The following BMERB1 variants were observed in gnomAD, a reference collection of about 807,000 sequenced individuals.
BMERB1 encodes bMERB domain-containing protein 1.
Under a neutral mutation model 23.6 loss-of-function variants are expected in BMERB1, and 12 were observed. That is an observed-to-expected ratio of 0.51 (90% CI 0.33 to 0.82). BMERB1 has a LOEUF of 0.82. Ranked by LOEUF, BMERB1 falls within the 40% of genes least tolerant of loss-of-function variation. BMERB1 has a pLI of 0.03. For missense variants in BMERB1, 247 were observed against 255.4 expected, an observed-to-expected ratio of 0.97 and a Z score of 0.22; for synonymous variants, 122 against 96.6, an observed-to-expected ratio of 1.26 and a Z score of -1.54.
chr16:15,532,076 A>C (rs1415512356), intron 2 of BMERB1, among the ~76,000 whole-genome samples: 1 of 152,160 alleles, frequency 6.6e-6, no homozygotes, highest in Non-Finnish European at 1.5e-5. Flanking sequence ...TTGAGCCATC[A>C]GTTACTTAGA....
intron 1 of BMERB1, among the ~76,000 whole-genome samples, chr16:15,490,728 C>G (rs1653206713): frequency 6.6e-6 from 1 of 152,230 alleles, no homozygotes; most frequent in African/African-American, 2.4e-5. Flanking sequence ...CCCGGCTGTC[C>G]CACCCTCTGC....
chr16:15,451,662 G>A (rs1395636434), intron 1 of BMERB1, among the ~76,000 whole-genome samples: 2 of 147,198 alleles, frequency 1.4e-5, no homozygotes, highest in African/African-American at 2.5e-5. Flanking sequence ...GGGCTTAAGC[G>A]ATTCTCCCAC....
intron 1 of BMERB1, among the ~76,000 whole-genome samples, chr16:15,469,002 G>T (rs1288293876): frequency 1.5e-5 from 2 of 129,860 alleles, no homozygotes; most frequent in Admixed American, 8.5e-5. Context: ...GATCCTTGCT[G>T]TGTTGCCCAG....
chr16:15,500,476 G>GGGAAGCAGAAGAGTCCTGAAAT (rs2051517288), intron 1 of BMERB1, among the ~76,000 whole-genome samples: 1 of 152,124 alleles, frequency 6.6e-6, no homozygotes, highest in African/African-American at 2.4e-5. Flanking sequence ...GCAGTTAAGA[G>GGGAAGCAGAAGAGTCCTGAAAT]GGAAGCAGAA....
chr16:15,554,912 C>G (rs868277012), intron 2 of BMERB1, among the ~76,000 whole-genome samples: 42 of 152,006 alleles, frequency 2.8e-4, no homozygotes, highest in Admixed American at 2.8e-3. Context: ...GTGATCCGCC[C>G]GCCTCGGCCT....
chr16:15,517,861 G>A (rs1257747314), intron 2 of BMERB1, among the ~76,000 whole-genome samples: 1 of 149,096 alleles, frequency 6.7e-6, no homozygotes, highest in African/African-American at 2.5e-5. Context: ...ATGTGTGTGT[G>A]TGGATGTGTG....
chr16:15,538,736 T>A (rs535619048), intron 2 of BMERB1, among the ~76,000 whole-genome samples: 6 of 152,314 alleles, frequency 3.9e-5, no homozygotes, highest in South Asian at 2.1e-4. Context: ...CCATCTGTTG[T>A]CTGCCATCAC....
At chr16:15,564,959 G>C (rs1374994052) in intron 2 of BMERB1, among the ~76,000 whole-genome samples, 1 of 151,724 alleles carries the variant, frequency 6.6e-6, no homozygotes, top group African/African-American at 2.4e-5. Flanking sequence ...GAACAACTTT[G>C]TAGTAATCAG....
intron 1 of BMERB1, among the ~76,000 whole-genome samples, chr16:15,505,943 T>C (rs2051585856): frequency 6.7e-6 from 1 of 150,090 alleles, no homozygotes. Flanking sequence ...TATGACAGAG[T>C]ACAGAATATG....
At chr16:15,564,566 AT>A (rs2030514182) in intron 2 of BMERB1, among the ~76,000 whole-genome samples, 1 of 152,242 alleles carries the variant, frequency 6.6e-6, no homozygotes, top group South Asian at 2.1e-4. Flanking sequence ...GAAAGGAAAA[AT>A]TTTATCACTG....
chr16:15,468,965 CTT>C (rs773392188), intron 1 of BMERB1, among the ~76,000 whole-genome samples: 25 of 126,384 alleles, frequency 2.0e-4, no homozygotes, highest in African/African-American at 5.3e-4. Context: ...CATCTTCACA[CTT>C]TTTTTTTTTT....
At chr16:15,436,653 A>G (rs140836405) in intron 1 of BMERB1, among the ~76,000 whole-genome samples, 66 of 151,888 alleles carry the variant, frequency 4.3e-4, no homozygotes, top group African/African-American at 1.5e-3. Flanking sequence ...ATCTACCTAT[A>G]TTTTTGTACC....
intron 2 of BMERB1, among the ~76,000 whole-genome samples, chr16:15,544,074 T>C (rs1598508857): frequency 1.3e-5 from 2 of 152,188 alleles, no homozygotes; most frequent in African/African-American, 4.8e-5. Flanking sequence ...CACGTTAACT[T>C]GTAGATTTCT....
chr16:15,514,338 T>C (rs942254991), intron 1 of BMERB1, among the ~76,000 whole-genome samples: 8 of 152,184 alleles, frequency 5.3e-5, no homozygotes, highest in African/African-American at 9.7e-5. Context: ...GATAAAACTT[T>C]CTTCTGCCTA....
At chr16:15,532,591 G>A (rs1315606153) in intron 2 of BMERB1, among the ~76,000 whole-genome samples, 1 of 133,490 alleles carries the variant, frequency 7.5e-6, no homozygotes, top group Non-Finnish European at 1.5e-5. Context: ...TGTCGCCCAG[G>A]CTGGAGTGCA....
At position 15,450,823 on chromosome 16, in the gene BMERB1, C is replaced by T. The variant is rs558985892; in HGVS notation, c.106+16064C>T. Among the ~76,000 whole-genome samples the T allele has an allele frequency of 2.0e-4, 30 of 152,220 alleles. 1 individual carries two copies. In the South Asian group the frequency reaches 5.0e-3, roughly 25 times the overall value. On this transcript the variant is annotated intron_variant, in intron 1 of 5. Coordinates refer to ENST00000300006, the MANE Select transcript of BMERB1 (RefSeq NM_033201.3). ...GGAGAAAGTTCTGGCTGCTTGGCTTCGATGCTATGCTTGGCTCTTCCAACC... is the reference window on the plus strand; with the variant it reads ...GGAGAAAGTTCTGGCTGCTTGGCTTTGATGCTATGCTTGGCTCTTCCAACC...
At chr16:15,578,400 T>TTTAGGGTCCATGCTAATAAG (rs1261565004) in intron 3 of BMERB1, among the ~76,000 whole-genome samples, 7 of 152,214 alleles carry the variant, frequency 4.6e-5, no homozygotes, top group Admixed American at 3.3e-4. Flanking sequence ...AGTCATTGGG[T>TTTAGGGTCCATGCTAATAAG]TTAGGGTCCA....
At chr16:15,468,518 A>G (rs577793371) in intron 1 of BMERB1, among the ~76,000 whole-genome samples, 1 of 152,138 alleles carries the variant, frequency 6.6e-6, no homozygotes, top group South Asian at 2.1e-4. Context: ...AGGTATAATG[A>G]GGCATGTCTG....
intron 2 of BMERB1, among the ~76,000 whole-genome samples, chr16:15,557,238 C>T (rs2030288491): frequency 6.6e-6 from 1 of 152,182 alleles, no homozygotes. Context: ...TCCTTCCGAA[C>T]ATTAATCAGG....
Sources: gnomAD v4.1 joint callset for allele counts (sites outside exome capture counted in the v4.1 genomes callset) on GRCh38, gnomAD v4.1.1 for gene constraint, MANE v1.5 for transcripts, NCBI Gene and HGNC (gene_info 2026-07-23, HGNC 2026-07-21) for gene names.